METTL15: variants seen among roughly 807,000 people sequenced by gnomAD.
METTL15 encodes methyltransferase 15, mitochondrial 12S rRNA N4-cytidine, also known as 12S rRNA N(4)-cytidine methyltransferase METTL15.
In METTL15, 34 loss-of-function variants were observed where a neutral mutation model predicts 38.3. That is an observed-to-expected ratio of 0.89 (90% CI 0.68 to 1.18). The LOEUF (loss-of-function observed/expected upper bound fraction) is 1.18, where lower values mean the gene tolerates loss of function less well. Among genes scored for constraint, METTL15 ranks in the 50% most tolerant of loss-of-function variants. The pLI, the probability that METTL15 is intolerant of heterozygous loss-of-function variation, is 0.00. For synonymous variants in METTL15, 162 were observed against 170.9 expected (o/e 0.95, Z 0.41); for missense variants, 438 against 498.4 (o/e 0.88, Z 1.15).
chr11:28,135,122 AT>A (rs1463812532), intron 3 of METTL15, among the ~76,000 whole-genome samples: 1 of 152,226 alleles, frequency 6.6e-6, no homozygotes, highest in African/African-American at 2.4e-5. Context: ...AACTGATGAG[AT>A]TAGAATTTAA....
At chr11:28,343,766 A>G (rs964568405) in intron 3 of METTL15, among the ~76,000 whole-genome samples, 6 of 152,216 alleles carry the variant, frequency 3.9e-5, no homozygotes, top group Admixed American at 2.0e-4. Flanking sequence ...ATTTTACTCA[A>G]CATCTATTGA....
intron 4 of METTL15, among the ~76,000 whole-genome samples, chr11:28,283,352 A>G (rs969795996): frequency 5.9e-5 from 9 of 152,154 alleles, no homozygotes; most frequent in African/African-American, 1.9e-4. Context: ...CTTAGAAACC[A>G]TGGGAATTTT....
intron 4 of METTL15, among the ~76,000 whole-genome samples, chr11:28,259,288 C>T (rs1855101681): frequency 6.6e-6 from 1 of 151,952 alleles, no homozygotes; most frequent in Non-Finnish European, 1.5e-5. Flanking sequence ...CTGCCCTCTC[C>T]TCAAGCAGAA....
At chr11:28,448,398 C>T (rs1437205697) in intron 6 of METTL15, among the ~76,000 whole-genome samples, 5 of 152,110 alleles carry the variant, frequency 3.3e-5, no homozygotes, top group Admixed American at 2.0e-4. Context: ...GTGTTATTCT[C>T]GGTTTCTAGG....
chr11:28,410,027 A>G (rs1352757266), intron 5 of METTL15, among the ~76,000 whole-genome samples: 30 of 152,158 alleles, frequency 2.0e-4, no homozygotes, highest in Admixed American at 2.0e-3. Flanking sequence ...GACAATGGAT[A>G]AATTCCTTAA....
At chr11:28,300,929 C>A (rs1048151793) in intron 6 of METTL15, among the ~76,000 whole-genome samples, 4 of 152,092 alleles carry the variant, frequency 2.6e-5, no homozygotes, top group African/African-American at 9.7e-5. Flanking sequence ...AATAAATGGT[C>A]ATCTAGCTTT....
At chr11:28,530,919 ACTT>A (rs1028260355), downstream of METTL15, among the ~76,000 whole-genome samples, 4 of 152,006 alleles carry the variant, frequency 2.6e-5, no homozygotes, top group African/African-American at 9.7e-5. Flanking sequence ...TATCTGTACT[ACTT>A]CTTGACAGGG....
chr11:28,362,213 T>C (rs997534355), intron 5 of METTL15, among the ~76,000 whole-genome samples: 4 of 152,176 alleles, frequency 2.6e-5, no homozygotes, highest in Admixed American at 2.6e-4. Context: ...CAAACAGTCC[T>C]GATTGTGATA....
At chr11:28,280,925 G>A (rs375985704) in intron 4 of METTL15, among the ~76,000 whole-genome samples, 1 of 150,614 alleles carries the variant, frequency 6.6e-6, no homozygotes, top group South Asian at 2.1e-4. Flanking sequence ...GTTTTCTTGA[G>A]TATATTAACC....
rs1464731428 is a variant in METTL15 at position 28,237,223 on chromosome 11, T to A, written c.407+26025T>A. ...TTCCAACTTGGTTCCATTCTCCCCA[T>A]CACTTTCAGGTACACCAATCAGATG... On this transcript the variant is annotated intron_variant, in intron 4 of 6. Coordinates refer to ENST00000407364, the MANE Select transcript of METTL15 (RefSeq NM_001113528.2). Among the ~76,000 whole-genome samples the A allele has an allele frequency of 2.0e-5, 3 of 152,218 alleles. No individual in the cohort carries two copies. In the East Asian group the frequency reaches 5.8e-4, roughly 29 times the overall value.
At chr11:28,514,492 T>A (rs1240738724) in intron 6 of METTL15, among the ~76,000 whole-genome samples, 1 of 152,262 alleles carries the variant, frequency 6.6e-6, no homozygotes, top group Non-Finnish European at 1.5e-5. Flanking sequence ...CTAGCTTTTT[T>A]CACACAAATA....
chr11:28,228,585 T>A (rs1590190558), intron 4 of METTL15, among the ~76,000 whole-genome samples: 1 of 152,004 alleles, frequency 6.6e-6, no homozygotes, highest in South Asian at 2.1e-4. Flanking sequence ...ATTTTATGTA[T>A]ACATATATAC....
chr11:28,112,800 T>A (rs576250439), intron 2 of METTL15, among the ~76,000 whole-genome samples: 1 of 152,258 alleles, frequency 6.6e-6, no homozygotes, highest in Non-Finnish European at 1.5e-5. Flanking sequence ...TGGATGTGCA[T>A]GCGTAGTCTT....
At chr11:28,379,902 G>A (rs935542436) in intron 5 of METTL15, among the ~76,000 whole-genome samples, 2 of 152,128 alleles carry the variant, frequency 1.3e-5, no homozygotes, top group Non-Finnish European at 2.9e-5. Context: ...AGTGATGGTT[G>A]TGTAGATATT....
rs540411434 is a variant in METTL15 at position 28,113,191 on chromosome 11, A to G, written c.-17-127A>G. The G allele has an allele frequency of 4.8e-6, 3 of 620,140 alleles. No individual in the cohort carries two copies. In the African/African-American group the frequency reaches 5.5e-5, roughly 11 times the overall value. 38.4% of individuals were successfully genotyped at this position (620,140 alleles called of 1,614,324 possible). On this transcript the variant is annotated intron_variant, in intron 2 of 6. Transcript: ENST00000407364. ...GGTTTGTCACCTTTACTTGTTTAAG[A>G]TGTTAGGATCATGAGTCTTAACTTT...
At chr11:28,484,195 A>G (rs187295185) in intron 6 of METTL15, among the ~76,000 whole-genome samples, 7 of 152,256 alleles carry the variant, frequency 4.6e-5, no homozygotes, top group East Asian at 1.9e-4. Flanking sequence ...TCCTTATTCA[A>G]TTCTCACAAA....
At chr11:28,476,446 G>A (rs1188305277) in intron 6 of METTL15, among the ~76,000 whole-genome samples, 2 of 152,124 alleles carry the variant, frequency 1.3e-5, no homozygotes, top group Non-Finnish European at 2.9e-5. Flanking sequence ...TTATTGATGA[G>A]TTTCCTTTCT....
At chr11:28,160,881 G>C (rs1484290947) in intron 3 of METTL15, among the ~76,000 whole-genome samples, 2 of 151,868 alleles carry the variant, frequency 1.3e-5, no homozygotes, top group East Asian at 3.9e-4. Flanking sequence ...TCTTCATTTA[G>C]TACATTGATT....
chr11:28,261,113 A>G (rs1855184085), intron 4 of METTL15: 1 of 152,188 alleles, frequency 6.6e-6, no homozygotes, highest in Non-Finnish European at 1.5e-5. Context: ...TCAGAATATA[A>G]TATCTGAAGA....
Sources: gnomAD v4.1 joint callset for allele counts (sites outside exome capture counted in the v4.1 genomes callset) on GRCh38, gnomAD v4.1.1 for gene constraint, MANE v1.5 for transcripts, NCBI Gene and HGNC (gene_info 2026-07-23, HGNC 2026-07-21) for gene names.